The following SLC39A12 variants were observed in gnomAD, a reference collection of about 807,000 sequenced individuals.
The protein encoded by SLC39A12 is zinc transporter ZIP12.
A neutral mutation model predicts 71.1 loss-of-function variants in SLC39A12; 63 were observed. The observed-to-expected ratio is 0.89, with a 90% CI of 0.72 to 1.09. The LOEUF is 1.09. Among genes scored for constraint, SLC39A12 ranks in the 50% least tolerant of loss-of-function variants. SLC39A12 has a pLI of 0.00. For synonymous variants in SLC39A12, 351 were observed against 301.3 expected (o/e 1.16, Z -1.71); for missense variants, 892 against 812.6 (o/e 1.10, Z -1.19).
intron 12 of SLC39A12, among the ~76,000 whole-genome samples, chr10:18,033,016 G>A (rs1280613601): frequency 6.6e-6 from 1 of 151,528 alleles, no homozygotes; most frequent in Non-Finnish European, 1.5e-5. Flanking sequence ...GATCATGGTG[G>A]ATAAGCTTTT....
In SLC39A12 at chr10:17,981,467, A is replaced by T; in HGVS notation, c.1080A>T (p.Pro360=). 1 of 1,612,970 alleles carries T rather than the reference A, an allele frequency of 6.2e-7. No individual in the cohort carries two copies. The part of the protein sequence containing the change: ...HLPKDQQAKL[P]PTTLEKYGYS... Reference sequence around the variant, plus strand: ...CCAAGGACCAACAAGCAAAGCTGCCACCTACCACTCTGGAGAGTAAGTTCT... The same window carrying T: ...CCAAGGACCAACAAGCAAAGCTGCCTCCTACCACTCTGGAGAGTAAGTTCT... Residue 360 remains proline (P), a synonymous_variant, in exon 6 of 13, where the codon CCA becomes CCT. Transcript: ENST00000377369.
intron 10 of SLC39A12, among the ~76,000 whole-genome samples, chr10:17,998,708 G>A (rs1315862483): frequency 1.3e-5 from 2 of 152,090 alleles, no homozygotes; most frequent in African/African-American, 4.8e-5. Flanking sequence ...AAATACACAG[G>A]CCATCTTTGA....
chr10:18,032,930 C>G (rs1029253378), intron 12 of SLC39A12, among the ~76,000 whole-genome samples: 3 of 131,988 alleles, frequency 2.3e-5, no homozygotes, highest in Middle Eastern at 3.5e-3. Context: ...GTCTTTGGCT[C>G]TGTTTATATG....
At position 17,978,712 on chromosome 10, in the gene SLC39A12, T is replaced by C. The variant is rs7920111; in HGVS notation, c.924+638T>C. Among the ~76,000 whole-genome samples the C allele has an allele frequency of 3.0e-3, 458 of 152,314 alleles. 5 individuals carry two copies. Among genetic ancestry groups the C allele is most frequent in the African/African-American group, 0.01 (431 of 41,570 alleles). ...ATCTTCTAAGAATGCCAATAATCATTTTCTGTGCAAAACACACACAACAAC... is the reference window on the plus strand; with the variant it reads ...ATCTTCTAAGAATGCCAATAATCATCTTCTGTGCAAAACACACACAACAAC... On this transcript the variant is annotated intron_variant, in intron 5 of 12. Transcript: ENST00000377369.
intron 12 of SLC39A12, chr10:18,004,358 G>A (rs1038226941): frequency 6.6e-6 from 1 of 152,136 alleles, no homozygotes; most frequent in African/African-American, 2.4e-5. Context: ...GTAATATGTG[G>A]AACAGATTCA....
chr10:18,009,001 G>A (rs1466033182), intron 12 of SLC39A12, among the ~76,000 whole-genome samples: 2 of 152,058 alleles, frequency 1.3e-5, no homozygotes, highest in East Asian at 1.9e-4. Flanking sequence ...TTTTTCCAGC[G>A]TTTGGATAAG....
chr10:17,995,161 A>G (rs1835653276), intron 9 of SLC39A12, among the ~76,000 whole-genome samples: 1 of 152,210 alleles, frequency 6.6e-6, no homozygotes, highest in African/African-American at 2.4e-5. Flanking sequence ...ACTGACTGGC[A>G]AAGCAGTTAA....
intron 4 of SLC39A12, among the ~76,000 whole-genome samples, chr10:17,974,747 G>A (rs373914973): frequency 2.0e-5 from 3 of 152,046 alleles, no homozygotes; most frequent in Admixed American, 6.6e-5. Flanking sequence ...GGTCTCACCC[G>A]AGGCCCACTG....
In SLC39A12 at chr10:18,042,611, G is replaced by C. The variant is rs185856511; in HGVS notation, c.1948-94G>C. The stretch of plus-strand genomic sequence containing the variant: ...TTTTGGGAATTTTAAAGGTTATTAA[G>C]TTCTGAATAACAGTCGCTCATGTTT... On this transcript the variant is annotated intron_variant, in intron 12 of 12. Transcript: ENST00000377369. 1,896 of 1,285,656 alleles carry C rather than the reference G, an allele frequency of 1.5e-3. 34 individuals carry two copies. The South Asian group carries it at 0.023, about 15-fold the overall frequency. 79.6% of individuals were successfully genotyped at this position (1,285,656 alleles called of 1,614,324 possible).
chr10:18,006,310 A>G (rs1443338560), intron 12 of SLC39A12, among the ~76,000 whole-genome samples: 1 of 152,236 alleles, frequency 6.6e-6, no homozygotes, highest in Non-Finnish European at 1.5e-5. Flanking sequence ...TTTCTGGGGA[A>G]AAGTGCCAAA....
At position 17,977,889 on chromosome 10, in the gene SLC39A12, A is replaced by G. The variant is rs778648145; in HGVS notation, c.752-13A>G. The G allele has an allele frequency of 5.1e-6, 8 of 1,559,542 alleles. No individual in the cohort carries two copies. In the South Asian group the frequency reaches 7.5e-5, roughly 15 times the overall value. On this transcript the variant is annotated splice_polypyrimidine_tract_variant and intron_variant, in intron 4 of 12. Transcript: ENST00000377369. ...TATTCTATGTGACACCAGATTTTATATGAAATTTCTAGAACTAGACCAACT... is the reference window on the plus strand; with the variant it reads ...TATTCTATGTGACACCAGATTTTATGTGAAATTTCTAGAACTAGACCAACT...
At chr10:17,966,997 T>G (rs903377209) in intron 4 of SLC39A12, among the ~76,000 whole-genome samples, 1 of 152,124 alleles carries the variant, frequency 6.6e-6, no homozygotes, top group Non-Finnish European at 1.5e-5. Context: ...TCAGTTAGTG[T>G]TCATGTTTTC....
chr10:17,959,480 G>A (rs1412707556), intron 2 of SLC39A12, among the ~76,000 whole-genome samples: 1 of 151,978 alleles, frequency 6.6e-6, no homozygotes, highest in Non-Finnish European at 1.5e-5. Context: ...TTACACAGTG[G>A]GTTGTACAGC....
chr10:17,981,471 A>G lies in SLC39A12; in HGVS notation c.1084A>G (p.Thr362Ala). Residue 362 changes from threonine to alanine, a missense_variant, in exon 6 of 13, where the codon ACC becomes GCC. Thr to Ala is a moderately conservative substitution (Grantham distance 58). Coordinates refer to ENST00000377369, the MANE Select transcript of SLC39A12 (RefSeq NM_001145195.2). ...GGACCAACAAGCAAAGCTGCCACCTACCACTCTGGAGAGTAAGTTCTGGAT... is the reference window on the plus strand; with the variant it reads ...GGACCAACAAGCAAAGCTGCCACCTGCCACTCTGGAGAGTAAGTTCTGGAT... ...PKDQQAKLPP[T>A]TLEKYGYSTV... is the part of the protein sequence containing the mutation. The G allele has an allele frequency of 1.9e-6, 3 of 1,612,812 alleles. No homozygotes were observed. The highest frequency in any genetic ancestry group is 1.1e-5 in the South Asian group (1 of 90,874).
intron 2 of SLC39A12, among the ~76,000 whole-genome samples, chr10:17,959,479 G>A (rs1472924021): frequency 6.6e-6 from 1 of 152,062 alleles, no homozygotes; most frequent in Admixed American, 6.6e-5. Flanking sequence ...GTTACACAGT[G>A]GGTTGTACAG....
At chr10:17,959,271 A>G (rs574875099) in intron 2 of SLC39A12, among the ~76,000 whole-genome samples, 1 of 152,230 alleles carries the variant, frequency 6.6e-6, no homozygotes, top group South Asian at 2.1e-4. Context: ...CTGAGGTTTT[A>G]CAGGTGGAGC....
At chr10:18,005,121 G>C (rs573764088) in intron 12 of SLC39A12, among the ~76,000 whole-genome samples, 1 of 152,094 alleles carries the variant, frequency 6.6e-6, no homozygotes, top group Non-Finnish European at 1.5e-5. Context: ...GCTAATGCAT[G>C]CTAGGATTGA....
Position 17,977,319 on chromosome 10 carries a change from G to A in SLC39A12, c.752-583G>A, listed in dbSNP as rs11011830. On this transcript the variant is annotated intron_variant, in intron 4 of 12. Coordinates refer to ENST00000377369, the MANE Select transcript of SLC39A12 (RefSeq NM_001145195.2). ...AAATACTGAGATGTATTTATTGACT[G>A]CTTTTTTTTTTTCTACCACTGTTGA... Among the ~76,000 whole-genome samples, 921 of 148,912 alleles carry A rather than the reference G, an allele frequency of 6.2e-3. 12 individuals are homozygous for A. The highest frequency in any genetic ancestry group is 0.021 in the African/African-American group (877 of 40,878).
chr10:18,010,072 C>G (rs1380873883), intron 12 of SLC39A12, among the ~76,000 whole-genome samples: 5 of 152,142 alleles, frequency 3.3e-5, no homozygotes, highest in African/African-American at 1.2e-4. Context: ...GAATATTGAT[C>G]CCATTCCCTC....
Sources: allele counts gnomAD v4.1 joint callset (sites outside exome capture counted in the v4.1 genomes callset), GRCh38; gene constraint gnomAD v4.1.1; transcripts MANE v1.5; gene names NCBI Gene and HGNC (gene_info 2026-07-23, HGNC 2026-07-21).